Variants in EPB41L4A observed in about 807,000 individuals in gnomAD.
The protein encoded by EPB41L4A is erythrocyte membrane protein band 4.1 like 4A.
EPB41L4A carries 100 observed loss-of-function variants against 108.6 expected under a neutral mutation model. The ratio of observed to expected loss-of-function variants is 0.92; its 90% CI spans 0.78 to 1.09. The LOEUF (loss-of-function observed/expected upper bound fraction) is 1.09. Among genes scored for constraint, EPB41L4A ranks in the 50% least tolerant of loss-of-function variants. The pLI is 0.00. For missense variants in EPB41L4A, 1,030 were observed against 842.7 expected, an observed-to-expected ratio of 1.22 and a Z score of -2.75; for synonymous variants, 319 against 289.0, an observed-to-expected ratio of 1.10 and a Z score of -1.05.
intron 1 of EPB41L4A, among the ~76,000 whole-genome samples, chr5:112,367,763 A>C (rs578182174): frequency 6.6e-6 from 1 of 152,352 alleles, no homozygotes; most frequent in African/African-American, 2.4e-5. Flanking sequence ...AAGGTTGAAG[A>C]ATCACAGGAA....
intron 12 of EPB41L4A, among the ~76,000 whole-genome samples, chr5:112,216,407 T>A (rs1747645220): frequency 6.6e-6 from 1 of 152,212 alleles, no homozygotes; most frequent in South Asian, 2.1e-4. Context: ...GGGTGAAGGC[T>A]GAATGTGTGA....
At chr5:112,353,753 C>T (rs191444690) in intron 1 of EPB41L4A, among the ~76,000 whole-genome samples, 157 of 152,182 alleles carry the variant, frequency 1.0e-3, no homozygotes, top group African/African-American at 3.5e-3. Flanking sequence ...ATCCTTGGGT[C>T]CCCAAACAGC....
chr5:112,328,855 C>A (rs547302201), intron 1 of EPB41L4A, among the ~76,000 whole-genome samples: 1 of 152,274 alleles, frequency 6.6e-6, no homozygotes, highest in East Asian at 1.9e-4. Context: ...AATGAATTAC[C>A]TTATGTGAAT....
intron 18 of EPB41L4A, among the ~76,000 whole-genome samples, chr5:112,171,689 T>G (rs1760589656): frequency 2.0e-5 from 3 of 152,248 alleles, no homozygotes; most frequent in Admixed American, 1.3e-4. Flanking sequence ...ATTCAAGTGT[T>G]TGTACTCTCT....
intron 18 of EPB41L4A, among the ~76,000 whole-genome samples, chr5:112,172,412 T>A (rs1760632308): frequency 6.6e-6 from 1 of 151,392 alleles, no homozygotes; most frequent in Non-Finnish European, 1.5e-5. Flanking sequence ...CTTAGGAGGT[T>A]GAGGCATGAG....
At chr5:112,285,012 G>A (rs568613118) in intron 2 of EPB41L4A, among the ~76,000 whole-genome samples, 74 of 152,146 alleles carry the variant, frequency 4.9e-4, no homozygotes, top group African/African-American at 1.7e-3. Context: ...TATTAAATTC[G>A]GGGTCCAACC....
chr5:112,340,930 A>AT (rs988396525), intron 1 of EPB41L4A, among the ~76,000 whole-genome samples: 9 of 152,006 alleles, frequency 5.9e-5, no homozygotes, highest in African/African-American at 2.2e-4. Flanking sequence ...CAATGCAGGG[A>AT]TTTTTCTTTC....
In EPB41L4A at chr5:112,239,717, T is replaced by G. The variant is rs995600761; in HGVS notation, c.908A>C (p.Asn303Thr). The change falls in exon 11 of 23, where the codon AAT (asparagine) becomes ACT (threonine). Residue 303 changes from asparagine (N) to threonine (T), a missense_variant. Asn to Thr is a moderately conservative substitution (Grantham distance 65, BLOSUM62 0). Transcript: ENST00000261486. ...CTTGCTGAGTTTTCTTGACAGTGAA[T>G]TGGATTCATTTTCTGGCATTCTAAT... ...TFFRMPENES[N>T]SLSRKLSKFG... 6.2e-7 allele frequency: 1 copy of G among 1,609,258 alleles called. No homozygotes were observed. The highest frequency in any genetic ancestry group is 1.7e-5 in the Admixed American group (1 of 59,242).
chr5:112,358,845 C>T (rs759784216), intron 1 of EPB41L4A, among the ~76,000 whole-genome samples: 1 of 152,016 alleles, frequency 6.6e-6, no homozygotes, highest in Non-Finnish European at 1.5e-5. Flanking sequence ...AAATGAATTA[C>T]CAAACAAAAG....
intron 18 of EPB41L4A, among the ~76,000 whole-genome samples, chr5:112,172,636 A>G (rs1216358608): frequency 6.6e-6 from 1 of 152,114 alleles, no homozygotes; most frequent in Non-Finnish European, 1.5e-5. Context: ...TGTTAACCCC[A>G]TTAAATGATA....
At chr5:112,277,347 C>CA in intron 3 of EPB41L4A, among the ~76,000 whole-genome samples, 1 of 152,150 alleles carries the variant, frequency 6.6e-6, no homozygotes, top group South Asian at 2.1e-4. Flanking sequence ...AACAGTTAAG[C>CA]AAAAATGTTA....
chr5:112,294,793 G>A (rs1753886875), intron 2 of EPB41L4A, among the ~76,000 whole-genome samples: 2 of 152,048 alleles, frequency 1.3e-5, no homozygotes, highest in South Asian at 4.2e-4. Flanking sequence ...CATGTTGCAA[G>A]AAAAGGAGCT....
chr5:112,343,974 T>C (rs1360444962), intron 1 of EPB41L4A, among the ~76,000 whole-genome samples: 3 of 152,216 alleles, frequency 2.0e-5, no homozygotes, highest in African/African-American at 7.2e-5. Context: ...GAAGATTGCT[T>C]GAGCCCAGGA....
intron 15 of EPB41L4A, among the ~76,000 whole-genome samples, chr5:112,201,383 A>T (rs1021834226): frequency 4.6e-5 from 7 of 152,236 alleles, no homozygotes; most frequent in Admixed American, 3.3e-4. Flanking sequence ...AAGCCAGCGG[A>T]AAATGAACCT....
chr5:112,188,778 T>A lies in EPB41L4A; in HGVS notation c.1503-4643A>T, dbSNP rs376496248. Among the ~76,000 whole-genome samples, 70 of 152,316 alleles carry A rather than the reference T, an allele frequency of 4.6e-4. No individual in the cohort carries two copies. The East Asian group carries it at 0.011, about 24-fold the overall frequency. On this transcript the variant is annotated intron_variant, in intron 17 of 22. Coordinates refer to ENST00000261486, the MANE Select transcript of EPB41L4A (RefSeq NM_022140.5). Reference sequence around the variant, plus strand: ...CCTGGCAAGGAAGCGGTTACCTATTTTCAAGCAAGACGGAAGAAATGCCCA... The same window carrying A: ...CCTGGCAAGGAAGCGGTTACCTATTATCAAGCAAGACGGAAGAAATGCCCA...
chr5:112,224,926 A>G (rs1748350748), intron 12 of EPB41L4A, among the ~76,000 whole-genome samples: 1 of 152,220 alleles, frequency 6.6e-6, no homozygotes, highest in Admixed American at 6.5e-5. Context: ...CTAGGTCAGA[A>G]TGTCTTGTTC....
At chr5:112,419,497 G>C (rs970739509), upstream of EPB41L4A, 4 of 376,940 alleles carry the variant, frequency 1.1e-5, no homozygotes, top group Admixed American at 3.2e-5. Context: ...ATTTGAGCGC[G>C]GCCCCGACGT....
In EPB41L4A at chr5:112,270,992, T is replaced by A. The variant is rs543920879; in HGVS notation, c.335+4334A>T. On this transcript the variant is annotated intron_variant, in intron 4 of 22. Transcript: ENST00000261486. ...CCTTAAAAGTTCAGGGACATTCCAA[T>A]GGCATTTCAGATAGGGCTGTCAGCA... Among the ~76,000 whole-genome samples, 28 of 152,360 alleles carry A rather than the reference T, an allele frequency of 1.8e-4. No homozygotes were observed. In the East Asian group the frequency reaches 5.2e-3, roughly 28 times the overall value.
chr5:112,373,987 A>G (rs1203806729), intron 1 of EPB41L4A, among the ~76,000 whole-genome samples: 1 of 152,232 alleles, frequency 6.6e-6, no homozygotes, highest in Non-Finnish European at 1.5e-5. Context: ...TACGTGGTAA[A>G]AGAGAGCAAC....
Sources: allele counts gnomAD v4.1 joint callset (sites outside exome capture counted in the v4.1 genomes callset), GRCh38; gene constraint gnomAD v4.1.1; transcripts MANE v1.5; gene names NCBI Gene and HGNC (gene_info 2026-07-23, HGNC 2026-07-21).